AK8: variants seen among roughly 807,000 people sequenced by gnomAD.
The protein encoded by AK8 is adenylate kinase 8, also known as ATP-AMP transphosphorylase 8.
A neutral mutation model predicts 54.6 loss-of-function variants in AK8; 44 were observed. The ratio of observed to expected loss-of-function variants is 0.81; its 90% CI spans 0.63 to 1.04. The LOEUF (loss-of-function observed/expected upper bound fraction) is 1.04, where lower values mean the gene tolerates loss of function less well. AK8 is among the 50% of genes least tolerant of loss of function. The pLI, the probability that AK8 is intolerant of heterozygous loss-of-function variation, is 0.00. For synonymous variants in AK8, 239 were observed against 245.6 expected, an observed-to-expected ratio of 0.97 and a Z score of 0.25; for missense variants, 555 against 613.6, an observed-to-expected ratio of 0.90 and a Z score of 1.01.
intron 11 of AK8, among the ~76,000 whole-genome samples, chr9:132,758,660 T>C (rs891846423): frequency 8.6e-5 from 13 of 151,798 alleles, no homozygotes; most frequent in African/African-American, 1.5e-4. Flanking sequence ...TTTTTCGCCA[T>C]GTTGCCTAGT....
intron 11 of AK8, among the ~76,000 whole-genome samples, chr9:132,766,763 G>A (rs1838740992): frequency 6.6e-6 from 1 of 152,152 alleles, no homozygotes; most frequent in Non-Finnish European, 1.5e-5. Context: ...AAATAGTATG[G>A]TACTGTCATA....
chr9:132,848,906 CTTTT>C (rs577735065), intron 5 of AK8, among the ~76,000 whole-genome samples: 4 of 118,550 alleles, frequency 3.4e-5, no homozygotes, highest in Admixed American at 1.7e-4. Flanking sequence ...CTCCTGTTTG[CTTTT>C]TTTTTTTTTT....
At chr9:132,867,063 C>A in intron 2 of AK8, 110 bp from the exon 3 acceptor site, 1 of 1,053,378 alleles carries the variant, frequency 9.5e-7, no homozygotes, top group East Asian at 2.4e-5. Context: ...CATTTTCTGC[C>A]AGTGACACGG....
At chr9:132,836,850 C>T (rs1471002929) in intron 5 of AK8, among the ~76,000 whole-genome samples, 1 of 152,220 alleles carries the variant, frequency 6.6e-6, no homozygotes, top group Non-Finnish European at 1.5e-5. Flanking sequence ...ATCTGTATAA[C>T]AGGAATGATG....
chr9:132,827,240 A>T, intron 7 of AK8, 186 bp from the exon 8 acceptor site: 1 of 637,252 alleles, frequency 1.6e-6, no homozygotes, highest in South Asian at 1.9e-5. Flanking sequence ...GCTCTTAACT[A>T]TTATTCTTGT....
chr9:132,778,707 T>C (rs1839331841), intron 11 of AK8, among the ~76,000 whole-genome samples: 1 of 152,202 alleles, frequency 6.6e-6, no homozygotes, highest in Non-Finnish European at 1.5e-5. Context: ...CTATAAACTA[T>C]ATGCCAATCT....
chr9:132,803,332 A>C lies in AK8; in HGVS notation c.980-10557T>G, dbSNP rs534761644. 3.3e-4 allele frequency among the ~76,000 whole-genome samples: 51 copies of C among 152,290 alleles called. No homozygotes were observed. The South Asian group carries it at 6.4e-3, about 19-fold the overall frequency. On this transcript the variant is annotated intron_variant, in intron 10 of 12. Transcript: ENST00000298545. This position sits in a 1 kb window ranked among gnomAD's most constrained non-coding sequence, Gnocchi z 4.4. The stretch of plus-strand genomic sequence containing the variant: ...AGCTTTGTCAGTTCCCAGTTACCGC[A>C]GGGACTAGGTCCCCAAAGCTGGTAG...
intron 8 of AK8, among the ~76,000 whole-genome samples, chr9:132,825,896 T>C (rs11243919): frequency 0.41 from 62,699 of 152,130 alleles, 14,510 homozygotes; most frequent in South Asian, 0.6. Flanking sequence ...CCCAACACTG[T>C]GTGGAAGGGT....
chr9:132,744,941 A>G (rs1183851931), intron 11 of AK8, among the ~76,000 whole-genome samples: 1 of 152,206 alleles, frequency 6.6e-6, no homozygotes, highest in African/African-American at 2.4e-5. Context: ...AAGCCTCCAT[A>G]TGAATCCGCC....
At chr9:132,843,227 G>A (rs1252425728) in intron 5 of AK8, among the ~76,000 whole-genome samples, 9 of 152,114 alleles carry the variant, frequency 5.9e-5, no homozygotes, top group African/African-American at 1.9e-4. Flanking sequence ...TCATGGTTTG[G>A]TGCTGTCTTC....
intron 11 of AK8, among the ~76,000 whole-genome samples, chr9:132,746,233 TAGAC>T (rs1454052999): frequency 1.3e-5 from 2 of 152,060 alleles, no homozygotes; most frequent in Non-Finnish European, 2.9e-5. Flanking sequence ...CACACACACA[TAGAC>T]ACACACACGA....
At chr9:132,763,472 G>A (rs1426360869) in intron 11 of AK8, among the ~76,000 whole-genome samples, 2 of 152,214 alleles carry the variant, frequency 1.3e-5, no homozygotes, top group Non-Finnish European at 2.9e-5. Flanking sequence ...CATATTTTAA[G>A]TTTGGCCTAA....
rs148713194 is a variant in AK8 at position 132,874,039 on chromosome 9, C to T, written c.169+1076G>A. Among the ~76,000 whole-genome samples, 540 of 152,300 alleles carry T rather than the reference C, an allele frequency of 3.5e-3. 1 individual carries two copies. The highest frequency in any genetic ancestry group is 6.2e-3 in the Non-Finnish European group (419 of 68,012). On this transcript the variant is annotated intron_variant, in intron 2 of 12. Transcript: ENST00000298545. Reference sequence around the variant, plus strand: ...GGGGGTCCCAAGGCCACCCCAGCACCGCACCACCCCCGCCTGGGCATATAG... The same window carrying T: ...GGGGGTCCCAAGGCCACCCCAGCACTGCACCACCCCCGCCTGGGCATATAG...
chr9:132,849,869 C>T (rs1842901456), intron 5 of AK8, among the ~76,000 whole-genome samples: 1 of 151,764 alleles, frequency 6.6e-6, no homozygotes, highest in Admixed American at 6.6e-5. Context: ...CCTCAGCCTC[C>T]CGAGTAGCTG....
At chr9:132,798,026 G>T (rs1840258737) in intron 10 of AK8, among the ~76,000 whole-genome samples, 1 of 152,190 alleles carries the variant, frequency 6.6e-6, no homozygotes. Flanking sequence ...TTCCTCACTG[G>T]GGCTGCGTGG....
chr9:132,730,222 T>C (rs1379775208), intron 11 of AK8, among the ~76,000 whole-genome samples: 1 of 152,116 alleles, frequency 6.6e-6, no homozygotes, highest in African/African-American at 2.4e-5. Context: ...TCTCCAGATG[T>C]GTTGAGCGGG....
chr9:132,813,631 G>A (rs536513762), intron 10 of AK8, among the ~76,000 whole-genome samples: 1 of 152,234 alleles, frequency 6.6e-6, no homozygotes, highest in East Asian at 1.9e-4. Context: ...CACTGCCCCA[G>A]GGAAGAGACA....
chr9:132,804,293 C>T (rs1840613172), intron 10 of AK8, among the ~76,000 whole-genome samples: 1 of 152,102 alleles, frequency 6.6e-6, no homozygotes, highest in Admixed American at 6.5e-5. Context: ...GAGCTCCTAC[C>T]ATGAGCCCTG....
chr9:132,775,934 C>T (rs1839197114), intron 11 of AK8, among the ~76,000 whole-genome samples: 1 of 152,176 alleles, frequency 6.6e-6, no homozygotes, highest in Admixed American at 6.5e-5. Context: ...TTTTTGATGT[C>T]ACTGCTTCAA....
Sources: allele counts gnomAD v4.1 joint callset (sites outside exome capture counted in the v4.1 genomes callset), GRCh38; gene constraint gnomAD v4.1.1; non-coding constraint Gnocchi (gnomAD v3.1); transcripts MANE v1.5; gene names NCBI Gene and HGNC (gene_info 2026-07-23, HGNC 2026-07-21).